The following ENOSF1 variants were observed in gnomAD, a reference collection of about 807,000 sequenced individuals.
ENOSF1 encodes enolase superfamily member 1, also known as mitochondrial enolase superfamily member 1.
Under a neutral mutation model 68.2 loss-of-function variants are expected in ENOSF1, and 73 were observed. The ratio of observed to expected loss-of-function variants is 1.07; its 90% CI spans 0.89 to 1.30. ENOSF1 has a LOEUF of 1.30. Among genes scored for constraint, ENOSF1 ranks in the 50% most tolerant of loss-of-function variants. The pLI is 0.00. For missense variants in ENOSF1, 589 were observed against 554.5 expected, an observed-to-expected ratio of 1.06 and a Z score of -0.62; for synonymous variants, 223 against 210.4, an observed-to-expected ratio of 1.06 and a Z score of -0.52.
rs796355550 is a variant in ENOSF1, at chr18:680,202, G to A, written c.877-1465C>T. On this transcript the variant is annotated intron_variant, in intron 11 of 15. Transcript: ENST00000647584. ...TGGCCCCGCATCTCACGGGATGTGT[G>A]GCCTTGGGCAAGCCCCGCCTGTGCC... 2.0e-4 allele frequency among the ~76,000 whole-genome samples: 30 copies of A among 152,316 alleles called. 1 individual carries two copies. Among genetic ancestry groups the A allele is most frequent in the African/African-American group, 7.2e-4 (30 of 41,572 alleles).
At chr18:666,248 G>C (rs1040805713), downstream of ENOSF1, among the ~76,000 whole-genome samples, 2 of 151,404 alleles carry the variant, frequency 1.3e-5, no homozygotes, top group Non-Finnish European at 2.9e-5. Flanking sequence ...GTTCGTGCTG[G>C]GGAATGGGAA....
At chr18:683,457 A>C in intron 10 of ENOSF1, 77 bp from the exon 11 acceptor site, 1 of 1,561,802 alleles carries the variant, frequency 6.4e-7, no homozygotes, top group Non-Finnish European at 8.8e-7. Flanking sequence ...CAGGGAGGAA[A>C]TGCTGTCACT....
intron 2 of ENOSF1, among the ~76,000 whole-genome samples, chr18:697,995 T>C (rs913436660): frequency 1.3e-5 from 2 of 152,184 alleles, no homozygotes; most frequent in African/African-American, 4.8e-5. Context: ...AGTTTCGACA[T>C]GCTGCCCAGG....
At chr18:680,837 C>T (rs1282137935) in intron 11 of ENOSF1, among the ~76,000 whole-genome samples, 2 of 150,420 alleles carry the variant, frequency 1.3e-5, no homozygotes, top group African/African-American at 4.9e-5. Flanking sequence ...CACATCACCG[C>T]GCCCTGCTAA....
chr18:671,952 GTAT>G lies in ENOSF1; in HGVS notation c.*2350_*2352del, dbSNP rs2075078645. ...ATGCCACCACACCCAGCTAATTTTTGTATTATTAGTAGAGATGGGGTTTCATCA... is the reference window on the plus strand; with the variant it reads ...ATGCCACCACACCCAGCTAATTTTTGTATTAGTAGAGATGGGGTTTCATCA... On this transcript the variant is annotated 3_prime_UTR_variant, in exon 16 of 16. Coordinates refer to ENST00000647584, the MANE Select transcript of ENOSF1 (RefSeq NM_017512.7). The G allele has an allele frequency of 6.2e-6, 1 of 160,852 alleles. No homozygotes were observed. Among genetic ancestry groups the G allele is most frequent in the South Asian group, 1.8e-4 (1 of 5,592 alleles). 10.0% of individuals were successfully genotyped at this position (160,852 alleles called of 1,614,324 possible).
At position 675,358 on chromosome 18, in the gene ENOSF1, G is replaced by A; in HGVS notation, c.1193C>T (p.Pro398Leu). The change falls in exon 15 of 16, where the codon CCC becomes CTC. Residue 398 changes from proline to leucine, a missense_variant. Physicochemically the swap from Pro to Leu is moderately conservative, Grantham distance 98 (BLOSUM62 -3). Transcript: ENST00000647584. Reference sequence around the variant, plus strand: ...GTAGGAAGCCCGCTGGATCATCACGGGATACTTGAAATGCTCATGCAGGTG... The same window carrying A: ...GTAGGAAGCCCGCTGGATCATCACGAGATACTTGAAATGCTCATGCAGGTG... ...VDHLHEHFKY[P>L]VMIQRASYMP... 1 of 1,613,042 alleles carries A rather than the reference G, an allele frequency of 6.2e-7. No individual in the cohort carries two copies. Among genetic ancestry groups the A allele is most frequent in the Non-Finnish European group, 8.5e-7 (1 of 1,179,812 alleles).
chr18:669,209 C>G, downstream of ENOSF1: 1 of 1,578,450 alleles, frequency 6.3e-7, no homozygotes, highest in Non-Finnish European at 8.7e-7. Context: ...TTATACTAAC[C>G]ATACTCTTAG....
chr18:672,682 G>C lies in ENOSF1; in HGVS notation c.*1623C>G, dbSNP rs1213463816. The C allele has an allele frequency of 5.3e-6, 3 of 570,250 alleles. No individual in the cohort carries two copies. The highest frequency in any genetic ancestry group is 8.8e-6 in the Non-Finnish European group (3 of 339,406). The allele number at this position is 570,250 out of a possible 1,614,324, so 35.3% of individuals were successfully genotyped here. On this transcript the variant is annotated 3_prime_UTR_variant, in exon 16 of 16. Coordinates refer to ENST00000647584, the MANE Select transcript of ENOSF1 (RefSeq NM_017512.7). The stretch of plus-strand genomic sequence containing the variant: ...CCCCTCACTCTCGATCTGTGCAAGA[G>C]AACAGCTGGTTGCGCTCCAATCATG...
At position 677,874 on chromosome 18, in the gene ENOSF1, T is replaced by C; in HGVS notation, c.919-2A>G. 1 of 1,611,310 alleles carries C rather than the reference T, an allele frequency of 6.2e-7. No individual in the cohort carries two copies. Among genetic ancestry groups the C allele is most frequent in the Non-Finnish European group, 8.5e-7 (1 of 1,179,230 alleles). On this transcript the variant is annotated splice_acceptor_variant, in intron 12 of 15. Transcript: ENST00000647584. LOFTEE classifies it high-confidence loss of function. ...CTTAAATATCACTCTATTGTGGCAC[T>C]GGAAATAGAATTGAAAATAACACCA...
rs182481696 is a variant in ENOSF1, at chr18:671,009, T to C, written c.*3296A>G. On this transcript the variant is annotated 3_prime_UTR_variant, in exon 16 of 16. Coordinates refer to ENST00000647584, the MANE Select transcript of ENOSF1 (RefSeq NM_017512.7). ...TGTAAGTAAGAAATGAACCAGCTTT[T>C]ACTTTGAAACCTTCCTCTTCTGGAA... 4.2e-4 allele frequency: 436 copies of C among 1,032,848 alleles called. 2 individuals are homozygous for C. In the African/African-American group the frequency reaches 6.2e-3, roughly 15 times the overall value. The allele number at this position is 1,032,848 out of a possible 1,614,324, so 64.0% of individuals were successfully genotyped here. A position where few individuals can be genotyped will look rare whatever the true frequency, so the allele number is the denominator to read the frequency against.
chr18:683,489 G>A (rs2076306586), intron 10 of ENOSF1, 109 bp from the exon 11 acceptor site: 2 of 1,341,014 alleles, frequency 1.5e-6, no homozygotes, highest in South Asian at 2.6e-5. Flanking sequence ...ACAGCTGAGT[G>A]AGACCCCCTA....
intron 5 of ENOSF1, 103 bp from the exon 6 acceptor site, chr18:691,379 T>G: frequency 2.1e-6 from 2 of 958,308 alleles, no homozygotes; most frequent in Non-Finnish European, 1.6e-6. Context: ...AAGGTCTCAC[T>G]CTGTTGCCCA....
chr18:666,148 C>CT (rs1414885830), downstream of ENOSF1, among the ~76,000 whole-genome samples: 1 of 100,624 alleles, frequency 9.9e-6, no homozygotes, highest in African/African-American at 6.3e-5. Flanking sequence ...GTGTGGGAGT[C>CT]TAAGTCTCTT....
downstream of ENOSF1, among the ~76,000 whole-genome samples, chr18:667,220 GT>G (rs2074858515): frequency 2.0e-5 from 1 of 51,038 alleles, no homozygotes; most frequent in Non-Finnish European, 3.3e-5. Flanking sequence ...GATGGAGATG[GT>G]GATGGTGATG....
chr18:691,244 G>A lies in ENOSF1; in HGVS notation c.456C>T (p.Phe152=). The change falls in exon 6 of 16, where the codon TTC becomes TTT. Residue 152 remains phenylalanine, a synonymous_variant. Transcript: ENST00000647584. ...DPRMLVSCID[F]RYITDVLTEE... ...CAGTCAGGACATCAGTGATGTACCTGAAATCTATGCAGGATACCAGCATCC... is the reference window on the plus strand; with the variant it reads ...CAGTCAGGACATCAGTGATGTACCTAAAATCTATGCAGGATACCAGCATCC... 1.9e-6 allele frequency: 3 copies of A among 1,614,194 alleles called. No homozygotes were observed. Among genetic ancestry groups the A allele is most frequent in the Non-Finnish European group, 1.7e-6 (2 of 1,180,024 alleles).
downstream of ENOSF1, among the ~76,000 whole-genome samples, chr18:668,512 T>A (rs906925031): frequency 2.6e-5 from 4 of 152,238 alleles, no homozygotes; most frequent in South Asian, 2.1e-4. Context: ...TCCAAGTCAG[T>A]CGTGTGTTGA....
rs1175653068 is a variant in ENOSF1, at chr18:672,775, C to T, written c.*1530G>A. On this transcript the variant is annotated 3_prime_UTR_variant, in exon 16 of 16. Transcript: ENST00000647584. ...TAAAATAGAACTTTGTTGATCACAT[C>T]CTGTGTACTTGTTTCACGGACATGA... 60 of 1,419,806 alleles carry T rather than the reference C, an allele frequency of 4.2e-5. No individual in the cohort carries two copies. Among genetic ancestry groups the T allele is most frequent in the Non-Finnish European group, 5.1e-5 (53 of 1,046,544 alleles). 88.0% of individuals were successfully genotyped at this position (1,419,806 alleles called of 1,614,324 possible).
In ENOSF1 at chr18:674,361, G is replaced by T; in HGVS notation, c.1276C>A (p.His426Asn). ...CAAACTTCACCATCTGGATACTGGT[G>T]TTTCTTTACAGATTCCTCCTTCATT... ...TEMKEESVKK[H>N]QYPDGEVWKK... Residue 426 changes from histidine (H) to asparagine (N), a missense_variant, in exon 16 of 16, where the codon CAC becomes AAC. His to Asn is a moderately conservative substitution (Grantham distance 68, BLOSUM62 1). Coordinates refer to ENST00000647584, the MANE Select transcript of ENOSF1 (RefSeq NM_017512.7). 2 of 1,612,750 alleles carry T rather than the reference G, an allele frequency of 1.2e-6. No individual in the cohort carries two copies. The highest frequency in any genetic ancestry group is 1.7e-6 in the Non-Finnish European group (2 of 1,179,504).
chr18:694,033 T>G lies in ENOSF1; in HGVS notation c.397-125A>C, dbSNP rs547957696. 8 of 1,135,412 alleles carry G rather than the reference T, an allele frequency of 7.0e-6. No homozygotes were observed. The African/African-American group carries it at 1.2e-4, about 18-fold the overall frequency. 70.3% of individuals were successfully genotyped at this position (1,135,412 alleles called of 1,614,324 possible). A position where few individuals can be genotyped will look rare whatever the true frequency, so the allele number is the denominator to read the frequency against. On this transcript the variant is annotated intron_variant, in intron 4 of 15. Transcript: ENST00000647584. ...ACCAGGTCCCCACACCCCCCTCTAC[T>G]GCTGCCTGCGCCTTCCGCCATCCTG...
Sources: allele counts gnomAD v4.1 joint callset (sites outside exome capture counted in the v4.1 genomes callset), GRCh38; gene constraint gnomAD v4.1.1; transcripts MANE v1.5; gene names NCBI Gene and HGNC (gene_info 2026-07-23, HGNC 2026-07-21).